The following CDC14A variants were observed in gnomAD, a reference collection of about 807,000 sequenced individuals.
CDC14A encodes cell division cycle 14A.
CDC14A carries 53 observed loss-of-function variants against 74.4 expected under a neutral mutation model. That is an observed-to-expected ratio of 0.71 (90% CI 0.57 to 0.89). CDC14A has a LOEUF of 0.89. CDC14A is among the 40% of genes least tolerant of loss of function. The pLI, the probability that CDC14A is intolerant of heterozygous loss-of-function variation, is 0.00. For missense variants in CDC14A, 646 were observed against 713.7 expected, an observed-to-expected ratio of 0.91 and a Z score of 1.08; for synonymous variants, 247 against 258.4, an observed-to-expected ratio of 0.96 and a Z score of 0.43.
intron 11 of CDC14A, chr1:100,484,998 A>C (rs1241888875): frequency 3.1e-6 from 3 of 983,306 alleles, no homozygotes; most frequent in African/African-American, 1.7e-5. Flanking sequence ...TAGGAAGGAA[A>C]TTGCATATCA....
intron 8 of CDC14A, among the ~76,000 whole-genome samples, chr1:100,456,891 C>G (rs1666753751): frequency 6.6e-6 from 1 of 152,194 alleles, no homozygotes. Flanking sequence ...ATTTGATCTT[C>G]TTACTTATAA....
At chr1:100,359,910 A>G (rs1652451270) in intron 2 of CDC14A, among the ~76,000 whole-genome samples, 1 of 150,342 alleles carries the variant, frequency 6.7e-6, no homozygotes, top group South Asian at 2.1e-4. Context: ...TTGGAAAAGT[A>G]ATATTGTTCA....
chr1:100,498,857 T>C, intron 14 of CDC14A, 72 bp from the exon 15 acceptor site: 2 of 1,520,294 alleles, frequency 1.3e-6, no homozygotes, highest in Admixed American at 2.2e-5. Context: ...GTATGTGTTT[T>C]AGAAACGTGA....
At chr1:100,369,594 A>C (rs949619993) in intron 2 of CDC14A, among the ~76,000 whole-genome samples, 1 of 151,824 alleles carries the variant, frequency 6.6e-6, no homozygotes, top group Non-Finnish European at 1.5e-5. Flanking sequence ...CTCTTGTTCA[A>C]CTGTTAAATT....
intron 10 of CDC14A, among the ~76,000 whole-genome samples, chr1:100,468,867 C>A (rs1455647800): frequency 6.6e-6 from 1 of 152,028 alleles, no homozygotes; most frequent in Non-Finnish European, 1.5e-5. Context: ...ATATCTTTTA[C>A]TGAAATTTCA....
intron 5 of CDC14A, among the ~76,000 whole-genome samples, chr1:100,424,763 C>T (rs1662755490): frequency 6.6e-6 from 1 of 152,162 alleles, no homozygotes; most frequent in Admixed American, 6.5e-5. Context: ...ACCAGTTTGG[C>T]ACACAAATCT....
intron 4 of CDC14A, among the ~76,000 whole-genome samples, chr1:100,416,803 A>G (rs1257040745): frequency 6.6e-6 from 1 of 152,208 alleles, no homozygotes; most frequent in Admixed American, 6.5e-5. Context: ...TCTTCCCGAC[A>G]AACAACCTTA....
At chr1:100,503,317 T>A (rs1446799632) in intron 15 of CDC14A, among the ~76,000 whole-genome samples, 2 of 152,180 alleles carry the variant, frequency 1.3e-5, no homozygotes, top group Non-Finnish European at 2.9e-5. Flanking sequence ...TCAATAAAAA[T>A]GTTTTAAAAT....
chr1:100,377,598 T>C lies in CDC14A; in HGVS notation c.193T>C (p.Cys65Arg), dbSNP rs1459909697. ...CTTGGCAATGGTGTACAGATATTGC[T>C]GCAAACTAAACAAGAAACTAAAAGT... ...LNLAMVYRYC[C>R]KLNKKLKSYS... The change falls in exon 3 of 16, where the codon TGC becomes CGC. Residue 65 changes from cysteine (C) to arginine (R), a missense_variant. Cys to Arg is a radical substitution (Grantham distance 180). Transcript: ENST00000336454. 3 of 1,612,874 alleles carry C rather than the reference T, an allele frequency of 1.9e-6. No individual in the cohort carries two copies. In the South Asian group the frequency reaches 3.3e-5, roughly 18 times the overall value.
chr1:100,375,784 C>A (rs1655149952), intron 2 of CDC14A, among the ~76,000 whole-genome samples: 1 of 152,152 alleles, frequency 6.6e-6, no homozygotes, highest in Non-Finnish European at 1.5e-5. Context: ...TTGACCCAGC[C>A]ATCCCATTAC....
At chr1:100,404,516 CA>C (rs1659683301) in intron 4 of CDC14A, among the ~76,000 whole-genome samples, 1 of 152,132 alleles carries the variant, frequency 6.6e-6, no homozygotes, top group South Asian at 2.1e-4. Context: ...AGTTATACAG[CA>C]AATTCATGGG....
intron 11 of CDC14A, among the ~76,000 whole-genome samples, chr1:100,494,523 G>A (rs1277464049): frequency 4.6e-5 from 7 of 152,138 alleles, no homozygotes; most frequent in African/African-American, 1.4e-4. Flanking sequence ...ACGTATGATT[G>A]TGTCTGCAGG....
intron 10 of CDC14A, among the ~76,000 whole-genome samples, chr1:100,479,275 A>C (rs1159759825): frequency 6.6e-6 from 1 of 152,170 alleles, no homozygotes; most frequent in African/African-American, 2.4e-5. Context: ...AAAAAAGTTA[A>C]TTCTTTTTTA....
chr1:100,440,127 T>TA, intron 6 of CDC14A, 129 bp downstream of exon 6: 1 of 656,856 alleles, frequency 1.5e-6, no homozygotes, highest in Non-Finnish European at 2.6e-6. Flanking sequence ...GCTTTTCACT[T>TA]CTTGAAGGAT....
intron 15 of CDC14A, among the ~76,000 whole-genome samples, chr1:100,502,907 T>C (rs181526068): frequency 6.6e-6 from 1 of 152,354 alleles, no homozygotes. Context: ...TTGCTGCCAC[T>C]TCCCTTCTCC....
At chr1:100,482,415 C>G (rs151019101) in intron 10 of CDC14A, among the ~76,000 whole-genome samples, 28 of 152,188 alleles carry the variant, frequency 1.8e-4, no homozygotes, top group African/African-American at 6.3e-4. Context: ...ATTTTTCCAG[C>G]CCACATTGTT....
chr1:100,383,653 T>C (rs187414424), intron 3 of CDC14A: 2 of 152,758 alleles, frequency 1.3e-5, no homozygotes, highest in East Asian at 1.9e-4. Context: ...AAGAGAATGA[T>C]GCCTTGGTCA....
At chr1:100,468,926 A>G (rs915150348) in intron 10 of CDC14A, among the ~76,000 whole-genome samples, 5 of 149,854 alleles carry the variant, frequency 3.3e-5, no homozygotes, top group African/African-American at 1.2e-4. Context: ...TTTAATTTTA[A>G]TTTTTTATTT....
rs1651240432 is a variant in CDC14A at position 100,352,733 on chromosome 1, G to C, written c.-222G>C. The C allele has an allele frequency of 1.0e-5, 14 of 1,390,410 alleles. No individual in the cohort carries two copies. The highest frequency in any genetic ancestry group is 1.6e-5 in the South Asian group (1 of 63,258). The allele number at this position is 1,390,410 out of a possible 1,614,324, so 86.1% of individuals were successfully genotyped here. ...AGCGGCCACAGCCAGGGGCGTGAGC[G>C]CCCCGCGCGGAGCGAGCTCGGGTTC... On this transcript the variant is annotated 5_prime_UTR_variant, in exon 1 of 16. Transcript: ENST00000336454.
Sources: allele counts gnomAD v4.1 joint callset (sites outside exome capture counted in the v4.1 genomes callset), GRCh38; gene constraint gnomAD v4.1.1; transcripts MANE v1.5; gene names NCBI Gene and HGNC (gene_info 2026-07-23, HGNC 2026-07-21).